Variants in TYW3 observed in about 807,000 individuals in gnomAD.
The protein encoded by TYW3 is tRNA-yW synthesizing protein 3 homolog.
In TYW3, 26 loss-of-function variants were observed where a neutral mutation model predicts 23.1. That is an observed-to-expected ratio of 1.13 (90% CI 0.83 to 1.56). The LOEUF is 1.56. TYW3 is among the 40% of genes most tolerant of loss of function. TYW3 has a pLI of 0.00. For synonymous variants in TYW3, 102 were observed against 105.7 expected, an observed-to-expected ratio of 0.97 and a Z score of 0.21; for missense variants, 316 against 311.9, an observed-to-expected ratio of 1.01 and a Z score of -0.10.
rs1444104950 is a variant in TYW3, at chr1:74,733,435, C to G, written c.174+17C>G. On this transcript the variant is annotated intron_variant, in intron 1 of 5. Transcript: ENST00000370867. ...CTTGACCGGGTGAGGCCCCTTTGCG[C>G]CTGTCCATCGCCTGCCTTCTAGTGC... is the stretch of plus-strand genomic sequence containing the variant. 1 of 1,613,334 alleles carries G rather than the reference C, an allele frequency of 6.2e-7. No homozygotes were observed. The highest frequency in any genetic ancestry group is 1.1e-5 in the South Asian group (1 of 90,972).
chr1:74,738,796 TTTG>T lies in TYW3; in HGVS notation c.354+13_354+15del. ...CAGGATGCACAGATTCTGGTAAAATTTTGTTGTAATTGTACTTGAATTTATAGA... is the reference window on the plus strand; with the variant it reads ...CAGGATGCACAGATTCTGGTAAAATTTTGTAATTGTACTTGAATTTATAGA... On this transcript the variant is annotated intron_variant, in intron 3 of 5. Transcript: ENST00000370867. 1 of 1,602,140 alleles carries T rather than the reference TTTG, an allele frequency of 6.2e-7. No individual in the cohort carries two copies. Among genetic ancestry groups the T allele is most frequent in the Non-Finnish European group, 8.5e-7 (1 of 1,170,924 alleles).
At chr1:74,756,759 G>C (rs1193840271) in intron 5 of TYW3, among the ~76,000 whole-genome samples, 1 of 152,208 alleles carries the variant, frequency 6.6e-6, no homozygotes, top group East Asian at 1.9e-4. Flanking sequence ...AAGGCAATGG[G>C]GAAAATGTCT....
At chr1:74,740,545 T>G (rs1346097783) in intron 3 of TYW3, among the ~76,000 whole-genome samples, 1 of 152,240 alleles carries the variant, frequency 6.6e-6, no homozygotes, top group East Asian at 1.9e-4. Context: ...GACAGCTGAT[T>G]GGTCCATTTT....
intron 5 of TYW3, among the ~76,000 whole-genome samples, chr1:74,760,664 C>A (rs748345958): frequency 6.6e-6 from 1 of 152,224 alleles, no homozygotes; most frequent in Non-Finnish European, 1.5e-5. Flanking sequence ...GCACAGACCA[C>A]AGACCACTTC....
Position 74,764,015 on chromosome 1 carries a change from C to G in TYW3, c.682C>G (p.Arg228Gly). ...GAAAAAAAGAAACCCAGAAAAAACA[C>G]GTGCCCAGTGTATTACTAAAGAAAG... Reference protein sequence around the residue: ...HKKKRNPEKTRAQCITKESDE... With the variant: ...HKKKRNPEKTGAQCITKESDE... Residue 228 changes from arginine to glycine, a missense_variant, in exon 6 of 6, where the codon CGT becomes GGT. Transcript: ENST00000370867. The G allele has an allele frequency of 6.2e-7, 1 of 1,612,434 alleles. No individual in the cohort carries two copies. Among genetic ancestry groups the G allele is most frequent in the Non-Finnish European group, 8.5e-7 (1 of 1,179,456 alleles).
At chr1:74,759,351 T>G (rs1012726063) in intron 5 of TYW3, among the ~76,000 whole-genome samples, 1 of 151,788 alleles carries the variant, frequency 6.6e-6, no homozygotes, top group Non-Finnish European at 1.5e-5. Flanking sequence ...GTCTTTATCA[T>G]TTTTCTTTCT....
intron 5 of TYW3, among the ~76,000 whole-genome samples, chr1:74,759,983 T>A (rs957224676): frequency 1.3e-5 from 2 of 152,168 alleles, no homozygotes; most frequent in African/African-American, 4.8e-5. Flanking sequence ...GGTACTGATA[T>A]CCTACCTTTG....
At chr1:74,761,160 T>C (rs1458649578) in intron 5 of TYW3, among the ~76,000 whole-genome samples, 1 of 151,968 alleles carries the variant, frequency 6.6e-6, no homozygotes, top group Non-Finnish European at 1.5e-5. Context: ...TGTTACTGTA[T>C]AAGGGGAGAA....
intron 1 of TYW3, among the ~76,000 whole-genome samples, chr1:74,733,902 C>T (rs1267176455): frequency 2.0e-5 from 3 of 152,098 alleles, no homozygotes; most frequent in African/African-American, 4.8e-5. Context: ...TCCTAGTGAG[C>T]CCCTCCATTA....
chr1:74,736,771 T>C, intron 2 of TYW3, 149 bp downstream of exon 2: 1 of 606,440 alleles, frequency 1.6e-6, no homozygotes, highest in Admixed American at 3.6e-5. Flanking sequence ...TTACAATGGC[T>C]CTTTTTGGGT....
rs965331871 is a variant in TYW3 at position 74,766,509 on chromosome 1, A to T, written c.*2396A>T. The T allele has an allele frequency of 7.9e-5, 12 of 152,174 alleles. No individual in the cohort carries two copies. Among genetic ancestry groups the T allele is most frequent in the African/African-American group, 2.9e-4 (12 of 41,446 alleles). The allele number at this position is 152,174 out of a possible 1,614,324, so 9.4% of individuals were successfully genotyped here. A position where few individuals can be genotyped will look rare whatever the true frequency, so the allele number is the denominator to read the frequency against. ...TTTTCCAATGTTAAAAAAAATATAT[A>T]AAAAAGCTTATAGAATAAGGATATA... On this transcript the variant is annotated 3_prime_UTR_variant, in exon 6 of 6. Transcript: ENST00000370867.
chr1:74,758,780 T>C (rs991498437), intron 5 of TYW3, among the ~76,000 whole-genome samples: 2 of 152,232 alleles, frequency 1.3e-5, no homozygotes, highest in Non-Finnish European at 2.9e-5. Flanking sequence ...CACATCTTTT[T>C]TTTCCACTGC....
intron 3 of TYW3, among the ~76,000 whole-genome samples, chr1:74,745,037 T>G (rs1414903146): frequency 4.2e-4 from 64 of 152,160 alleles, no homozygotes; most frequent in Admixed American, 4.1e-3. Context: ...GGGTTCGTGG[T>G]CTCACTGACT....
Position 74,743,534 on chromosome 1 carries a change from G to A in TYW3, c.354+4746G>A, listed in dbSNP as rs536058357. ...TTCTTAAGGCCTCCCATAGCCGCTC[G>A]AGGAAGGCAAAATGATTTTCTTCCT... is the stretch of plus-strand genomic sequence containing the variant. On this transcript the variant is annotated intron_variant, in intron 3 of 5. Transcript: ENST00000370867. Among the ~76,000 whole-genome samples the A allele has an allele frequency of 5.5e-3, 840 of 152,248 alleles. 8 individuals are homozygous for A. The highest frequency in any genetic ancestry group is 8.5e-3 in the Non-Finnish European group (578 of 68,020).
chr1:74,734,591 A>T (rs180749898), intron 1 of TYW3, among the ~76,000 whole-genome samples: 1 of 152,308 alleles, frequency 6.6e-6, no homozygotes, highest in East Asian at 1.9e-4. Context: ...TGAAGAAGGA[A>T]AAAGAAATTG....
chr1:74,759,038 T>C (rs1649046011), intron 5 of TYW3, among the ~76,000 whole-genome samples: 1 of 152,246 alleles, frequency 6.6e-6, no homozygotes, highest in African/African-American at 2.4e-5. Flanking sequence ...ATGAGAATAG[T>C]GGTTAATAAA....
chr1:74,753,466 C>T (rs967688662), intron 5 of TYW3, among the ~76,000 whole-genome samples: 1 of 152,192 alleles, frequency 6.6e-6, no homozygotes, highest in African/African-American at 2.4e-5. Flanking sequence ...CCAACAAGTG[C>T]TAGTGGTGGC....
chr1:74,735,993 CTTCAT>C (rs1648140832), intron 1 of TYW3, among the ~76,000 whole-genome samples: 2 of 152,040 alleles, frequency 1.3e-5, no homozygotes, highest in South Asian at 4.1e-4. Context: ...AAATGTTTGC[CTTCAT>C]GAAACTTTGA....
Position 74,733,392 on chromosome 1 carries a change from G to T in TYW3, c.148G>T (p.Ala50Ser). The change falls in exon 1 of 6, where the codon GCT becomes TCT. Residue 50 changes from alanine (A) to serine (S), a missense_variant. Ala to Ser is a moderately conservative substitution (Grantham distance 99, BLOSUM62 1). Coordinates refer to ENST00000370867, the MANE Select transcript of TYW3 (RefSeq NM_138467.3). ...TCAGTTTTTCACCACCAGCTCCTGC[G>T]CTGGCCGCATCCTACTCCTTGACCG... ...RDQFFTTSSC[A>S]GRILLLDRGI... The T allele has an allele frequency of 6.2e-7, 1 of 1,614,162 alleles. No homozygotes were observed. The highest frequency in any genetic ancestry group is 8.5e-7 in the Non-Finnish European group (1 of 1,180,022).
Sources: allele counts gnomAD v4.1 joint callset (sites outside exome capture counted in the v4.1 genomes callset), GRCh38; gene constraint gnomAD v4.1.1; transcripts MANE v1.5; gene names NCBI Gene and HGNC (gene_info 2026-07-23, HGNC 2026-07-21).